Variants in COL4A5 observed in about 807,000 individuals in gnomAD.
COL4A5 encodes collagen type IV alpha 5 chain.
A neutral mutation model predicts 130.2 loss-of-function variants in COL4A5; 26 were observed. That is an observed-to-expected ratio of 0.20 (90% CI 0.15 to 0.28). The LOEUF is 0.28. Among genes scored for constraint, COL4A5 ranks in the 10% least tolerant of loss-of-function variants. The pLI is 1.00. For synonymous variants in COL4A5, 496 were observed against 439.6 expected (o/e 1.13, Z -1.60); for missense variants, 1,131 against 1,344.3 (o/e 0.84, Z 2.48).
chrX:108,445,123 A>G (rs1304599884), intron 1 of COL4A5, among the ~76,000 whole-genome samples: 1 of 111,380 alleles, frequency 9.0e-6, no homozygotes, highest in African/African-American at 3.3e-5. Flanking sequence ...TATTGTCATT[A>G]TATTTATTGA....
At chrX:108,448,852 G>T (rs754561546) in intron 1 of COL4A5, among the ~76,000 whole-genome samples, 1 of 111,551 alleles carries the variant, frequency 9.0e-6, no homozygotes, top group East Asian at 2.8e-4. Flanking sequence ...CCATTTTTCT[G>T]TACTGCCATA....
chrX:108,666,431 T>C (rs781674119), intron 38 of COL4A5, 65 bp from the exon 39 acceptor site: 474 of 798,852 alleles, frequency 5.9e-4, no homozygotes, highest in Non-Finnish European at 7.8e-4. Flanking sequence ...GAAGGGAGCA[T>C]ATGGAAGTAA....
chrX:108,592,942 A>G (rs2066460039), intron 21 of COL4A5, among the ~76,000 whole-genome samples: 1 of 111,298 alleles, frequency 9.0e-6, no homozygotes, highest in Non-Finnish European at 1.9e-5. Flanking sequence ...ACATGGAATT[A>G]TACTGTATGA....
chrX:108,579,521 C>G (rs1447058883), intron 13 of COL4A5, among the ~76,000 whole-genome samples: 3 of 111,801 alleles, frequency 2.7e-5, no homozygotes, highest in Non-Finnish European at 3.8e-5. Context: ...GACAGTGTTC[C>G]CTACATTTCA....
At chrX:108,506,751 G>A (rs1221619254) in intron 1 of COL4A5, among the ~76,000 whole-genome samples, 1 of 110,144 alleles carries the variant, frequency 9.1e-6, no homozygotes, top group Admixed American at 9.7e-5. Flanking sequence ...TGGCCCGGGG[G>A]TTGGGGACTC....
intron 1 of COL4A5, among the ~76,000 whole-genome samples, chrX:108,473,849 C>T (rs914331324): frequency 9.4e-6 from 1 of 106,112 alleles, no homozygotes; most frequent in African/African-American, 3.4e-5. Context: ...CCAGGCTGGT[C>T]TCAAACTCCT....
At chrX:108,645,946 T>C in intron 36 of COL4A5, among the ~76,000 whole-genome samples, 1 of 111,261 alleles carries the variant, frequency 9.0e-6, no homozygotes, top group Non-Finnish European at 1.9e-5. Flanking sequence ...TTCCATGGTG[T>C]ATATGTGCCA....
Position 108,621,832 on chromosome X carries a change from C to A in COL4A5, c.2707C>A (p.Pro903Thr). ...GTKGEMGMMG[P>T]PGPPGPLGIP... ...CAAAGGTGAAATGGGTATGATGGGA[C>A]CTCCAGGCCCACCAGGACCTTTGGG... The change falls in exon 32 of 53, where the codon CCT becomes ACT. Residue 903 changes from proline (P) to threonine (T), a missense_variant. Physicochemically the swap from Pro to Thr is conservative, Grantham distance 38. Coordinates refer to ENST00000328300, the MANE Select transcript of COL4A5 (RefSeq NM_033380.3). 1 of 1,208,997 alleles carries A rather than the reference C, an allele frequency of 8.3e-7. No homozygotes were observed. The highest frequency in any genetic ancestry group is 3.0e-5 in the East Asian group (1 of 33,788).
chrX:108,576,083 A>G, intron 10 of COL4A5, 111 bp downstream of exon 10: 4 of 520,512 alleles, frequency 7.7e-6, no homozygotes, highest in Non-Finnish European at 1.3e-5. Flanking sequence ...AACATTCATA[A>G]TTTATAATTT....
intron 2 of COL4A5, among the ~76,000 whole-genome samples, chrX:108,554,165 G>T (rs1447773077): frequency 9.0e-6 from 1 of 111,377 alleles, no homozygotes; most frequent in Non-Finnish European, 1.9e-5. Context: ...TTGTGGTGAT[G>T]ATTTCTGTAT....
At chrX:108,440,344 G>A (rs1297282224) in intron 1 of COL4A5, 138 bp downstream of exon 1, 1 of 487,643 alleles carries the variant, frequency 2.1e-6, no homozygotes, top group African/African-American at 2.4e-5. Context: ...TGTTTAGGAA[G>A]AAACGTTATT....
chrX:108,643,571 A>G (rs1292549086), intron 36 of COL4A5, among the ~76,000 whole-genome samples: 2 of 111,803 alleles, frequency 1.8e-5, no homozygotes, highest in African/African-American at 6.5e-5. Flanking sequence ...CAGCCTCCTC[A>G]AACAAAACAA....
chrX:108,505,946 A>C (rs1048207155), intron 1 of COL4A5, among the ~76,000 whole-genome samples: 5 of 112,294 alleles, frequency 4.5e-5, no homozygotes, highest in Admixed American at 9.4e-5. Flanking sequence ...CTGGTTCCCC[A>C]TCATCCTCTT....
intron 1 of COL4A5, among the ~76,000 whole-genome samples, chrX:108,499,449 T>A (rs1347370209): frequency 3.6e-5 from 4 of 111,606 alleles, no homozygotes; most frequent in Admixed American, 1.9e-4. Flanking sequence ...AATTCATTTA[T>A]CTGGTTTTCA....
intron 1 of COL4A5, among the ~76,000 whole-genome samples, chrX:108,507,263 A>AAAAAAAAAAAAAG (rs2065134718): frequency 2.1e-5 from 2 of 95,163 alleles, no homozygotes; most frequent in African/African-American, 8.7e-5. Flanking sequence ...AAAAAAAAAG[A>AAAAAAAAAAAAAG]AAAAAAAAAA....
chrX:108,547,789 T>G (rs1464336561), intron 2 of COL4A5, among the ~76,000 whole-genome samples: 1 of 111,817 alleles, frequency 8.9e-6, no homozygotes, highest in Non-Finnish European at 1.9e-5. Context: ...TTTGTTTACC[T>G]ACTCAGGCCT....
chrX:108,551,098 A>G (rs926933913), intron 2 of COL4A5, among the ~76,000 whole-genome samples: 4 of 111,796 alleles, frequency 3.6e-5, no homozygotes, highest in African/African-American at 1.3e-4. Context: ...ATAATTTATG[A>G]CTAAGTTCCC....
intron 1 of COL4A5, among the ~76,000 whole-genome samples, chrX:108,450,458 C>T (rs919205748): frequency 5.4e-5 from 6 of 111,469 alleles, no homozygotes; most frequent in Admixed American, 9.5e-5. Flanking sequence ...GGGTATTTGG[C>T]GGGCATTTTC....
intron 36 of COL4A5, among the ~76,000 whole-genome samples, chrX:108,629,481 TATATA>T (rs1429915608): frequency 9.1e-6 from 1 of 110,427 alleles, no homozygotes; most frequent in Non-Finnish European, 1.9e-5. Flanking sequence ...AGATTTTGAA[TATATA>T]ATATATGTCA....
Sources: allele counts gnomAD v4.1 joint callset (sites outside exome capture counted in the v4.1 genomes callset), GRCh38; gene constraint gnomAD v4.1.1; transcripts MANE v1.5; gene names NCBI Gene and HGNC (gene_info 2026-07-23, HGNC 2026-07-21).